ANK3: variants seen among roughly 807,000 people sequenced by gnomAD.
The protein encoded by ANK3 is ankyrin 3.
In ANK3, 57 loss-of-function variants were observed where a neutral mutation model predicts 370.9. That is an observed-to-expected ratio of 0.15 (90% confidence interval 0.12 to 0.19). The LOEUF is 0.19. Among genes scored for constraint, ANK3 ranks in the 10% least tolerant of loss-of-function variants. The probability of loss-of-function intolerance (pLI) is 1.00; values close to 1 mark genes in which losing one functional copy is unlikely to be tolerated. For synonymous variants in ANK3, 1,929 were observed against 1,946.3 expected (o/e 0.99, Z 0.23); for missense variants, 4,439 against 5,302.1 (o/e 0.84, Z 5.06).
At chr10:60,613,186 C>T (rs1471705395) in intron 2 of ANK3, among the ~76,000 whole-genome samples, 1 of 151,994 alleles carries the variant, frequency 6.6e-6, no homozygotes, top group African/African-American at 2.4e-5. Flanking sequence ...ATTAACTTTA[C>T]TAGATATAAA....
intron 8 of ANK3, among the ~76,000 whole-genome samples, chr10:60,214,297 C>A (rs1456347044): frequency 6.6e-6 from 1 of 152,062 alleles, no homozygotes; most frequent in African/African-American, 2.4e-5. Flanking sequence ...AAACCTTGTT[C>A]ATGTAGACTG....
intron 1 of ANK3, chr10:60,300,611 C>T: frequency 9.1e-7 from 1 of 1,094,918 alleles, no homozygotes; most frequent in Non-Finnish European, 1.1e-6. Flanking sequence ...CATATTGGCT[C>T]TGTGGATTTA....
At chr10:60,629,967 A>C (rs921413963) in intron 1 of ANK3, among the ~76,000 whole-genome samples, 1 of 152,098 alleles carries the variant, frequency 6.6e-6, no homozygotes, top group Non-Finnish European at 1.5e-5. Context: ...ATTTGATTTT[A>C]CTTTATTTTA....
At chr10:60,047,825 G>A (rs1027733968) in intron 42 of ANK3, among the ~76,000 whole-genome samples, 1 of 152,086 alleles carries the variant, frequency 6.6e-6, no homozygotes, top group Non-Finnish European at 1.5e-5. Context: ...GTAAACTCAC[G>A]ACTGGTTAGT....
At chr10:60,613,748 C>T (rs534748539) in intron 2 of ANK3, among the ~76,000 whole-genome samples, 2 of 127,778 alleles carry the variant, frequency 1.6e-5, no homozygotes, top group East Asian at 2.3e-4. Flanking sequence ...AGTCCTTTCA[C>T]TGAACAAAAA....
intron 2 of ANK3, among the ~76,000 whole-genome samples, chr10:60,599,474 C>T (rs899617665): frequency 1.3e-5 from 2 of 152,140 alleles, no homozygotes; most frequent in Non-Finnish European, 2.9e-5. Flanking sequence ...CTATGTGAGG[C>T]AGTTTATATA....
intron 2 of ANK3, among the ~76,000 whole-genome samples, chr10:60,449,564 A>C (rs2064542018): frequency 6.6e-6 from 1 of 152,212 alleles, no homozygotes; most frequent in African/African-American, 2.4e-5. Flanking sequence ...AATTTAGGGT[A>C]CAGGCTCAGA....
At chr10:60,660,058 G>A (rs1253476371) in intron 1 of ANK3, among the ~76,000 whole-genome samples, 1 of 151,996 alleles carries the variant, frequency 6.6e-6, no homozygotes, top group East Asian at 1.9e-4. Flanking sequence ...ATATATGAAG[G>A]TACATAAGTA....
intron 23 of ANK3, chr10:60,140,053 G>T (rs1459228064): frequency 4.4e-6 from 2 of 458,624 alleles, no homozygotes; most frequent in Non-Finnish European, 7.7e-6. Context: ...TTTCTCAAAG[G>T]TAAGTGATTC....
At chr10:60,413,971 T>C (rs889628535) in intron 2 of ANK3, among the ~76,000 whole-genome samples, 2 of 152,184 alleles carry the variant, frequency 1.3e-5, no homozygotes, top group Non-Finnish European at 2.9e-5. Flanking sequence ...CACTGCAGCC[T>C]GAGTGACAGA....
chr10:60,181,615 G>C (rs2096190697), intron 17 of ANK3, among the ~76,000 whole-genome samples, 188 bp from the exon 18 acceptor site: 1 of 152,072 alleles, frequency 6.6e-6, no homozygotes, highest in Non-Finnish European at 1.5e-5. Context: ...ATGAGTTTGA[G>C]ACCAGCCTGG....
chr10:60,050,234 T>A (rs2077675589), intron 42 of ANK3, among the ~76,000 whole-genome samples: 1 of 152,324 alleles, frequency 6.6e-6, no homozygotes, highest in South Asian at 2.1e-4. Context: ...GTAATTTGGC[T>A]TGCTTATATA....
intron 2 of ANK3, among the ~76,000 whole-genome samples, chr10:60,435,319 A>G (rs1343999511): frequency 6.6e-6 from 1 of 152,206 alleles, no homozygotes; most frequent in African/African-American, 2.4e-5. Context: ...TAATCCATTT[A>G]TCAAAACAAG....
In ANK3 at chr10:60,208,242, C is replaced by G; in HGVS notation, c.997-9G>C. 4 of 1,612,860 alleles carry G rather than the reference C, an allele frequency of 2.5e-6. No individual in the cohort carries two copies. Among genetic ancestry groups the G allele is most frequent in the Non-Finnish European group, 3.4e-6 (4 of 1,178,894 alleles). ...AATGGAGATAATCCATTCTGGAACA[C>G]ATAAAGAAATCAGAGTTCATTCTTT... is the stretch of plus-strand genomic sequence containing the variant. On this transcript the variant is annotated splice_polypyrimidine_tract_variant and intron_variant, in intron 9 of 43. Transcript: ENST00000280772.
intron 1 of ANK3, among the ~76,000 whole-genome samples, chr10:60,365,961 C>A (rs1273213305): frequency 6.6e-6 from 1 of 152,148 alleles, no homozygotes; most frequent in African/African-American, 2.4e-5. Context: ...GTTGAAACAA[C>A]TTCACACACA....
chr10:60,075,976 C>G lies in ANK3; in HGVS notation c.4905G>C (p.Glu1635Asp), dbSNP rs765162529. The G allele has an allele frequency of 1.2e-6, 2 of 1,613,994 alleles. No homozygotes were observed. The highest frequency in any genetic ancestry group is 2.7e-5 in the African/African-American group (2 of 74,920). ...GGGGTGTCATAGTAATTGATGACCT[C>G]TCCAAAAGAGACCCTGCTGTAGTCA... Reference protein sequence around the residue: ...SPVTTAGSLLERSSITMTPPA... With the variant: ...SPVTTAGSLLDRSSITMTPPA... Residue 1635 changes from glutamate (E) to aspartate (D), a missense_variant, in exon 37 of 44, where the codon GAG becomes GAC. Around this residue, in one of 13 missense-constraint regions of ANK3, gnomAD observed 679 missense variants for 791.0 expected, o/e 0.86. Coordinates refer to ENST00000280772, the MANE Select transcript of ANK3 (RefSeq NM_020987.5).
At position 60,063,146 on chromosome 10, in the gene ANK3, G is replaced by A. The variant is rs1453065439; in HGVS notation, c.12560C>T (p.Ala4187Val). ...GTCATGGAAAACATTGTTCTCATCT[G>A]CAAAACTTCTGGTGCCTGAAATATT... ...YGNISGTRSF[A>V]DENNVFHDPV... Residue 4187 changes from alanine (A) to valine (V), a missense_variant, in exon 40 of 44, where the codon GCA becomes GTA. By Grantham distance (64) the Ala-to-Val change is moderately conservative. Around this residue, in one of 13 missense-constraint regions of ANK3, gnomAD observed 242 missense variants for 228.0 expected, o/e 1.06. Coordinates refer to ENST00000280772, the MANE Select transcript of ANK3 (RefSeq NM_020987.5). The A allele has an allele frequency of 6.2e-7, 1 of 1,613,076 alleles. No individual in the cohort carries two copies. The highest frequency in any genetic ancestry group is 8.5e-7 in the Non-Finnish European group (1 of 1,179,698).
intron 1 of ANK3, among the ~76,000 whole-genome samples, chr10:60,662,082 A>G (rs1241859730): frequency 1.3e-5 from 2 of 152,252 alleles, no homozygotes; most frequent in East Asian, 3.8e-4. Context: ...AAAAAAGAAT[A>G]TAAATTATAA....
chr10:60,312,851 C>G (rs2046636484), intron 1 of ANK3, among the ~76,000 whole-genome samples: 1 of 152,170 alleles, frequency 6.6e-6, no homozygotes, highest in Admixed American at 6.5e-5. Context: ...GCATCAGAGC[C>G]ACAGCTATGG....
Sources: gnomAD v4.1 joint callset for allele counts (sites outside exome capture counted in the v4.1 genomes callset) on GRCh38, gnomAD v4.1.1 for gene constraint, gnomAD v4.1.1 regional missense constraint, MANE v1.5 for transcripts, NCBI Gene and HGNC (gene_info 2026-07-23, HGNC 2026-07-21) for gene names.